C1QTNF5: variants seen among roughly 807,000 people sequenced by gnomAD.
The protein encoded by C1QTNF5 is C1q and TNF related 5, also known as complement C1q tumor necrosis factor-related protein 5.
Under a neutral mutation model 10.9 loss-of-function variants are expected in C1QTNF5, and 5 were observed. The ratio of observed to expected loss-of-function variants is 0.46; its 90% CI spans 0.24 to 0.97. The LOEUF (loss-of-function observed/expected upper bound fraction) is 0.97. C1QTNF5 is among the 50% of genes least tolerant of loss of function. The pLI is 0.19. For missense variants in C1QTNF5, 281 were observed against 339.4 expected, an observed-to-expected ratio of 0.83 and a Z score of 1.35; for synonymous variants, 161 against 156.5, an observed-to-expected ratio of 1.03 and a Z score of -0.22.
At chr11:119,345,917 C>A (rs762783866), upstream of C1QTNF5, 1 of 1,613,494 alleles carries the variant, frequency 6.2e-7, no homozygotes, top group African/African-American at 1.3e-5. Context: ...GATGGGGGTG[C>A]AGCCTGCAGC....
At chr11:119,344,711 C>T (rs1186745210), upstream of C1QTNF5, 1 of 1,613,978 alleles carries the variant, frequency 6.2e-7, no homozygotes, top group African/African-American at 1.3e-5. Context: ...AGTCAGGTAG[C>T]AGGCAGATGA....
chr11:119,345,313 C>A, upstream of C1QTNF5: 1 of 1,176,652 alleles, frequency 8.5e-7, no homozygotes, highest in East Asian at 2.4e-5. Flanking sequence ...GAGGTCTAGT[C>A]TCTCAATTTC....
Position 119,340,165 on chromosome 11 carries a change from C to A in C1QTNF5, c.214+19G>T. On this transcript the variant is annotated intron_variant, in intron 2 of 2. Coordinates refer to ENST00000528368, the MANE Select transcript of C1QTNF5 (RefSeq NM_001278431.2). ...CTGCTCGGACATCGCCACCGATAGC[C>A]GCGGCGGTGCCTTCTTACCCGGCCT... 1 of 1,509,106 alleles carries A rather than the reference C, an allele frequency of 6.6e-7. No homozygotes were observed. The highest frequency in any genetic ancestry group is 1.3e-5 in the South Asian group (1 of 79,892). The allele number at this position is 1,509,106 out of a possible 1,614,324, so 93.5% of individuals were successfully genotyped here.
At position 119,340,246 on chromosome 11, in the gene C1QTNF5, C is replaced by G; in HGVS notation, c.152G>C (p.Gly51Ala). The G allele has an allele frequency of 6.6e-7, 1 of 1,515,038 alleles. No homozygotes were observed. Among genetic ancestry groups the G allele is most frequent in the Non-Finnish European group, 8.8e-7 (1 of 1,134,554 alleles). 93.8% of individuals were successfully genotyped at this position (1,515,038 alleles called of 1,614,324 possible). ...GGGCGCGCCGTCGCGGCCGTCGCGG[C>G]CATCGCGGCCCGGCAAGCCCTGGCT... ...HGSQGLPGRD[G>A]RDGRDGAPGA... The change falls in exon 2 of 3, where the codon GGC becomes GCC. Residue 51 changes from glycine to alanine, a missense_variant. Physicochemically the swap from Gly to Ala is moderately conservative, Grantham distance 60. Transcript: ENST00000528368.
the C1QTNF5 span, chr11:119,346,170 G>C: frequency 4.4e-6 from 7 of 1,580,910 alleles, no homozygotes; most frequent in Non-Finnish European, 5.2e-6. Flanking sequence ...CTGCGGGTTG[G>C]CAGGTGGGGT....
chr11:119,345,106 T>C (rs1591305948), upstream of C1QTNF5: 1 of 1,463,196 alleles, frequency 6.8e-7, no homozygotes, highest in South Asian at 1.3e-5. Flanking sequence ...ACCCCCAAAC[T>C]GGTGACCATG....
chr11:119,345,827 C>T, upstream of C1QTNF5: 1 of 1,613,910 alleles, frequency 6.2e-7, no homozygotes, highest in Non-Finnish European at 8.5e-7. Flanking sequence ...GGGGTCCCAG[C>T]TGCCTGAGAG....
chr11:119,343,793 T>C (rs754102482), upstream of C1QTNF5: 3 of 1,613,696 alleles, frequency 1.9e-6, no homozygotes, highest in East Asian at 6.7e-5. Flanking sequence ...GAGTTATCCA[T>C]GGCTCTTCCC....
At chr11:119,341,614 G>T (rs1270867201), upstream of C1QTNF5, 3 of 1,612,862 alleles carry the variant, frequency 1.9e-6, no homozygotes, top group Non-Finnish European at 2.5e-6. Context: ...AGGGCCAGGG[G>T]GTGCCCAGTA....
chr11:119,340,216 G>T lies in C1QTNF5; in HGVS notation c.182C>A (p.Ala61Asp). The stretch of plus-strand genomic sequence containing the variant: ...CCCGCCCTCGCCTTTCTCTCCCGGA[G>T]CCCCGGGCGCGCCGTCGCGGCCGTC... ...GRDGRDGAPG[A>D]PGEKGEGGRP... Residue 61 changes from alanine (A) to aspartate (D), a missense_variant, in exon 2 of 3, where the codon GCT becomes GAT. Coordinates refer to ENST00000528368, the MANE Select transcript of C1QTNF5 (RefSeq NM_001278431.2). 3 of 1,514,048 alleles carry T rather than the reference G, an allele frequency of 2.0e-6. No individual in the cohort carries two copies. The highest frequency in any genetic ancestry group is 2.6e-6 in the Non-Finnish European group (3 of 1,133,940). 93.8% of individuals were successfully genotyped at this position (1,514,048 alleles called of 1,614,324 possible). A position where few individuals can be genotyped will look rare whatever the true frequency, so the allele number is the denominator to read the frequency against.
At chr11:119,344,161 G>A (rs1950533280), upstream of C1QTNF5, among the ~76,000 whole-genome samples, 1 of 152,012 alleles carries the variant, frequency 6.6e-6, no homozygotes, top group Non-Finnish European at 1.5e-5. Flanking sequence ...GTACACAGCA[G>A]GCACTTAATA....
upstream of C1QTNF5, chr11:119,341,391 C>T: frequency 3.1e-6 from 2 of 644,516 alleles, no homozygotes; most frequent in Non-Finnish European, 5.3e-6. Context: ...GGTAGGGTCC[C>T]ATGAGCCCCA....
At chr11:119,342,015 G>A, upstream of C1QTNF5, 1 of 1,612,220 alleles carries the variant, frequency 6.2e-7, no homozygotes. Flanking sequence ...GCCACTGTGG[G>A]GACTGCTCAC....
upstream of C1QTNF5, chr11:119,345,593 G>A (rs780044596): frequency 1.2e-6 from 2 of 1,613,896 alleles, no homozygotes; most frequent in South Asian, 2.2e-5. Context: ...AGTTAGGGCT[G>A]CTGAAGAAGC....
rs770249529 is a variant in C1QTNF5, at chr11:119,339,438, C to T, written c.625G>A (p.Val209Met). 1.9e-6 allele frequency: 3 copies of T among 1,614,088 alleles called. No homozygotes were observed. Among genetic ancestry groups the T allele is most frequent in the South Asian group, 1.1e-5 (1 of 91,070 alleles). Residue 209 changes from valine to methionine, a missense_variant, in exon 3 of 3, where the codon GTG (valine) becomes ATG (methionine). By Grantham distance (21) the Val-to-Met change is conservative. Coordinates refer to ENST00000528368, the MANE Select transcript of C1QTNF5 (RefSeq NM_001278431.2). This position sits in a 1 kb window ranked among gnomAD's most constrained non-coding sequence, Gnocchi z 5.4. ...ATGCCAATGTAGTCACCCACACCCA[C>T]CTGCACCCACACTTGGTCCTCAGGC... ...LEPEDQVWVQ[V>M]GVGDYIGIYA... is the part of the protein sequence containing the mutation.
chr11:119,342,721 CAG>C, upstream of C1QTNF5: 1 of 1,613,590 alleles, frequency 6.2e-7, no homozygotes, highest in Non-Finnish European at 8.5e-7. Context: ...ACTGGGCCCA[CAG>C]GGGTCTGCAG....
At position 119,340,368 on chromosome 11, in the gene C1QTNF5, C is replaced by G; in HGVS notation, c.30G>C (p.Leu10=). Residue 10 remains leucine, a synonymous_variant, in exon 2 of 3, where the codon CTG becomes CTC. Transcript: ENST00000528368. ...GTGGGGGCGAGCCGGCCGCCAGGCC[C>G]AGGAGCAGCAGGACGAGGAGTGGCC... MRPLLVLLL[L]GLAAGSPPLD... is the part of the protein sequence containing the mutation. 3 of 1,544,784 alleles carry G rather than the reference C, an allele frequency of 1.9e-6. No individual in the cohort carries two copies. Among genetic ancestry groups the G allele is most frequent in the Non-Finnish European group, 2.6e-6 (3 of 1,145,832 alleles).
chr11:119,345,875 C>A (rs1325594534), upstream of C1QTNF5: 2 of 1,613,658 alleles, frequency 1.2e-6, no homozygotes, highest in Non-Finnish European at 1.7e-6. Flanking sequence ...GTGGTAAGGC[C>A]TCCGGCAGGC....
chr11:119,340,839 G>T lies in C1QTNF5; in HGVS notation c.-188C>A. ...CCCAGTCCTGGTTCGCTCCCTGCCG[G>T]CTCCGCTTTCCTCCTCCCAGACTCC... is the stretch of plus-strand genomic sequence containing the variant. On this transcript the variant is annotated 5_prime_UTR_variant, in exon 1 of 3. Coordinates refer to ENST00000528368, the MANE Select transcript of C1QTNF5 (RefSeq NM_001278431.2). 5.2e-6 allele frequency: 1 copy of T among 190,880 alleles called. No homozygotes were observed. The highest frequency in any genetic ancestry group is 1.1e-5 in the Non-Finnish European group (1 of 93,824). 11.8% of individuals were successfully genotyped at this position (190,880 alleles called of 1,614,324 possible).
Sources: gnomAD v4.1 joint callset for allele counts (sites outside exome capture counted in the v4.1 genomes callset) on GRCh38, gnomAD v4.1.1 for gene constraint, Gnocchi (gnomAD v3.1) non-coding constraint, MANE v1.5 for transcripts, NCBI Gene and HGNC (gene_info 2026-07-23, HGNC 2026-07-21) for gene names.